Variants in NLRP5 observed in about 807,000 individuals in gnomAD.
The protein encoded by NLRP5 is NACHT, LRR and PYD domains-containing protein 5.
NLRP5 carries 93 observed loss-of-function variants against 113.1 expected under a neutral mutation model. The observed-to-expected ratio is 0.82, with a 90% CI of 0.70 to 0.98. NLRP5 has a LOEUF of 0.98. Among genes scored for constraint, NLRP5 ranks in the 50% least tolerant of loss-of-function variants. The probability of loss-of-function intolerance (pLI) is 0.00; values close to 1 mark genes in which losing one functional copy is unlikely to be tolerated. For missense variants in NLRP5, 1,808 were observed against 1,514.3 expected (o/e 1.19, Z -3.22); for synonymous variants, 751 against 600.7 (o/e 1.25, Z -3.66).
At chr19:56,022,394 T>C (rs1453344401) in intron 6 of NLRP5, among the ~76,000 whole-genome samples, 1 of 132,444 alleles carries the variant, frequency 7.6e-6, no homozygotes, top group Non-Finnish European at 1.7e-5. Flanking sequence ...AATTTTCATA[T>C]TTGTTATAGA....
chr19:56,033,797 C>T, intron 9 of NLRP5, 88 bp downstream of exon 9: 1 of 1,206,558 alleles, frequency 8.3e-7, no homozygotes, highest in Non-Finnish European at 1.2e-6. Flanking sequence ...AATTAAAGAG[C>T]TGCAAAGATG....
At chr19:56,053,088 C>A (rs514565) in intron 12 of NLRP5, among the ~76,000 whole-genome samples, 21,847 of 149,938 alleles carry the variant, frequency 0.15, 1,969 homozygotes, top group Middle Eastern at 0.21. Context: ...CAGAGTGAGA[C>A]TTTGTCTTGA....
upstream of NLRP5, among the ~76,000 whole-genome samples, chr19:55,998,712 G>A (rs200977151): frequency 7.3e-3 from 763 of 104,328 alleles, 22 homozygotes; most frequent in Middle Eastern, 0.022. Flanking sequence ...ATGTGTGTGT[G>A]TGTATATATA....
chr19:55,990,988 G>GA, the NLRP5 span, among the ~76,000 whole-genome samples: 121 of 148,906 alleles, frequency 8.1e-4, no homozygotes, highest in East Asian at 0.014. Flanking sequence ...CCATCTCAAA[G>GA]AAAAAAAAAA....
chr19:56,023,787 A>G (rs1187683492), intron 6 of NLRP5, among the ~76,000 whole-genome samples: 3 of 152,196 alleles, frequency 2.0e-5, no homozygotes, highest in African/African-American at 7.2e-5. Context: ...CCTGGAACCC[A>G]TCTTGGACTG....
chr19:55,988,073 G>C, the NLRP5 span: 1 of 608,212 alleles, frequency 1.6e-6, no homozygotes, highest in Non-Finnish European at 3.0e-6. Context: ...CCTGGAGTGA[G>C]GACGGTGATG....
intron 9 of NLRP5, among the ~76,000 whole-genome samples, chr19:56,036,347 T>A (rs1369596263): frequency 2.6e-5 from 4 of 151,470 alleles, no homozygotes; most frequent in Admixed American, 1.3e-4. Flanking sequence ...GATTACAGGC[T>A]TGAGCCACTG....
At chr19:55,995,836 A>T (rs1371492448), upstream of NLRP5, among the ~76,000 whole-genome samples, 4 of 151,994 alleles carry the variant, frequency 2.6e-5, no homozygotes, top group African/African-American at 9.7e-5. Context: ...TTTTGTAGCT[A>T]TTATAAAGGA....
At chr19:56,032,441 C>T (rs933192202) in intron 7 of NLRP5, among the ~76,000 whole-genome samples, 170 bp from the exon 8 acceptor site, 1 of 151,992 alleles carries the variant, frequency 6.6e-6, no homozygotes, top group African/African-American at 2.4e-5. Context: ...GCAGGGTGGA[C>T]ACCGGGCTAG....
intron 1 of NLRP5, among the ~76,000 whole-genome samples, chr19:56,000,545 T>C (rs1981605156): frequency 6.6e-6 from 1 of 151,658 alleles, no homozygotes; most frequent in Non-Finnish European, 1.5e-5. Flanking sequence ...TTTGCATTTT[T>C]AGTAGAGATG....
chr19:56,039,794 A>G (rs1287427045), intron 10 of NLRP5, among the ~76,000 whole-genome samples: 2 of 152,120 alleles, frequency 1.3e-5, no homozygotes, highest in Non-Finnish European at 1.5e-5. Context: ...GGCGCCTGCA[A>G]TCCCAGCTAC....
intron 9 of NLRP5, among the ~76,000 whole-genome samples, chr19:56,036,649 A>G (rs74258038): frequency 0.016 from 2,497 of 152,228 alleles, 129 homozygotes; most frequent in Admixed American, 0.099. Context: ...GGAGAGCTCT[A>G]AAAGTTCTGT....
At chr19:56,028,696 G>A (rs140944630) in intron 7 of NLRP5, among the ~76,000 whole-genome samples, 187 bp downstream of exon 7, 2,337 of 152,272 alleles carry the variant, frequency 0.015, 63 homozygotes, top group African/African-American at 0.053. Flanking sequence ...ACCTGGGAAA[G>A]GTCTTTCACA....
rs369476131 is a variant in NLRP5, at chr19:56,025,167, T to C, written c.680-1746T>C. Among the ~76,000 whole-genome samples, 23 of 152,292 alleles carry C rather than the reference T, an allele frequency of 1.5e-4. 1 individual carries two copies. Among genetic ancestry groups the C allele is most frequent in the African/African-American group, 3.9e-4 (16 of 41,558 alleles). On this transcript the variant is annotated intron_variant, in intron 6 of 14. Transcript: ENST00000390649. ...ACTGATCCTACATTATGGTGAGTTG[T>C]ATGATTATTTCATTATATATTACAA...
chr19:56,019,315 A>T (rs1275330465), intron 4 of NLRP5, 27 bp from the exon 5 acceptor site: 1 of 1,613,760 alleles, frequency 6.2e-7, no homozygotes, highest in Admixed American at 1.7e-5. Flanking sequence ...AAACACAAGT[A>T]TGTTGGAATT....
At chr19:56,055,025 A>G (rs1456837278) in intron 13 of NLRP5, among the ~76,000 whole-genome samples, 2 of 105,068 alleles carry the variant, frequency 1.9e-5, no homozygotes, top group African/African-American at 7.7e-5. Flanking sequence ...TTTGAGACAG[A>G]GTCTTACTCT....
Position 56,041,009 on chromosome 19 carries a change from A to T in NLRP5, c.2874A>T (p.Leu958=). 1 of 1,613,964 alleles carries T rather than the reference A, an allele frequency of 6.2e-7. No individual in the cohort carries two copies. Residue 958 remains leucine, a synonymous_variant, in exon 11 of 15, where the codon CTA becomes CTT. Transcript: ENST00000390649. Reference sequence around the variant, plus strand: ...ACCGGAGCTTGACACACCTGTGCCTATCCAACAACAGCCTGGGGAACGAAG... The same window carrying T: ...ACCGGAGCTTGACACACCTGTGCCTTTCCAACAACAGCCTGGGGAACGAAG...
intron 1 of NLRP5, among the ~76,000 whole-genome samples, chr19:56,002,321 C>T (rs1981685272): frequency 6.6e-6 from 1 of 152,056 alleles, no homozygotes; most frequent in Non-Finnish European, 1.5e-5. Flanking sequence ...TTTAAGTATT[C>T]AGCAGTTTAT....
intron 11 of NLRP5, among the ~76,000 whole-genome samples, chr19:56,049,166 ATATT>A (rs3974178): frequency 0.53 from 74,326 of 139,064 alleles, 20,349 homozygotes; most frequent in Middle Eastern, 0.64. Context: ...TTTATTTTTT[ATATT>A]TATTTATTTA....
Sources: gnomAD v4.1 joint callset for allele counts (sites outside exome capture counted in the v4.1 genomes callset) on GRCh38, gnomAD v4.1.1 for gene constraint, MANE v1.5 for transcripts, NCBI Gene and HGNC (gene_info 2026-07-23, HGNC 2026-07-21) for gene names.